ZNF804A: variants seen among roughly 807,000 people sequenced by gnomAD.
ZNF804A encodes the protein zinc finger protein 804A.
In ZNF804A, 2 loss-of-function variants were observed where a neutral mutation model predicts 16.5. The ratio of observed to expected loss-of-function variants is 0.12; its 90% CI spans 0.05 to 0.38. The LOEUF is 0.38. Ranked by LOEUF, ZNF804A falls within the 10% of genes least tolerant of loss-of-function variation. The pLI is 0.99. For synonymous variants in ZNF804A, 534 were observed against 489.6 expected (o/e 1.09, Z -1.20); for missense variants, 1,473 against 1,390.7 (o/e 1.06, Z -0.94).
At chr2:184,896,954 T>C (rs2105825152) in intron 2 of ZNF804A, among the ~76,000 whole-genome samples, 1 of 152,264 alleles carries the variant, frequency 6.6e-6, no homozygotes, top group East Asian at 1.9e-4. Context: ...TTAATCTCAC[T>C]TAACTTCTAC....
chr2:184,860,898 G>A (rs1410203068), intron 1 of ZNF804A, among the ~76,000 whole-genome samples: 2 of 152,250 alleles, frequency 1.3e-5, no homozygotes, highest in African/African-American at 4.8e-5. Flanking sequence ...GGTCTCTGGG[G>A]TTGGCCTAGG....
At chr2:184,840,115 G>A (rs530895657) in intron 1 of ZNF804A, among the ~76,000 whole-genome samples, 15 of 152,270 alleles carry the variant, frequency 9.9e-5, no homozygotes, top group Admixed American at 4.6e-4. Context: ...CATGGCCATC[G>A]TGGTGGTTCA....
At chr2:184,646,046 G>C (rs1233737999) in intron 1 of ZNF804A, among the ~76,000 whole-genome samples, 3 of 152,176 alleles carry the variant, frequency 2.0e-5, no homozygotes, top group Non-Finnish European at 2.9e-5. Context: ...ACCTGGAAAA[G>C]CTGCAGATAT....
At chr2:184,636,446 TGTGTGTGAGA>T (rs1223705432) in intron 1 of ZNF804A, among the ~76,000 whole-genome samples, 1 of 137,830 alleles carries the variant, frequency 7.3e-6, no homozygotes, top group Non-Finnish European at 1.6e-5. Context: ...TGTGTGTGTG[TGTGTGTGAGA>T]GAGAGAGAGA....
At chr2:184,711,316 G>C (rs1693121894) in intron 1 of ZNF804A, among the ~76,000 whole-genome samples, 1 of 151,660 alleles carries the variant, frequency 6.6e-6, no homozygotes, top group African/African-American at 2.4e-5. Flanking sequence ...TTGGAGAACT[G>C]TTTTCTCACA....
intron 2 of ZNF804A, among the ~76,000 whole-genome samples, chr2:184,920,421 T>C (rs1574271222): frequency 6.6e-6 from 1 of 152,218 alleles, no homozygotes; most frequent in East Asian, 1.9e-4. Flanking sequence ...CTGAGATATC[T>C]GTTTGGGTTA....
At chr2:184,887,936 A>C (rs1427275028) in intron 2 of ZNF804A, among the ~76,000 whole-genome samples, 1 of 152,180 alleles carries the variant, frequency 6.6e-6, no homozygotes, top group East Asian at 1.9e-4. Flanking sequence ...ATATATGGAC[A>C]CAAAGAGGGA....
At chr2:184,623,157 T>A (rs1271829074) in intron 1 of ZNF804A, among the ~76,000 whole-genome samples, 2 of 152,024 alleles carry the variant, frequency 1.3e-5, no homozygotes, top group East Asian at 3.9e-4. Context: ...TCTGCAATAA[T>A]AGTAAGTACA....
At chr2:184,699,107 AATG>A (rs1692881410) in intron 1 of ZNF804A, among the ~76,000 whole-genome samples, 1 of 152,112 alleles carries the variant, frequency 6.6e-6, no homozygotes, top group Non-Finnish European at 1.5e-5. Flanking sequence ...AGGAATGGAT[AATG>A]ATTAGGAAAA....
intron 1 of ZNF804A, among the ~76,000 whole-genome samples, chr2:184,688,213 T>C (rs1692669479): frequency 1.3e-5 from 2 of 152,054 alleles, no homozygotes; most frequent in Admixed American, 1.3e-4. Flanking sequence ...TTCAATATAG[T>C]GATAGAACAA....
At chr2:184,652,707 ATGG>A (rs1215155321) in intron 1 of ZNF804A, among the ~76,000 whole-genome samples, 5 of 152,024 alleles carry the variant, frequency 3.3e-5, no homozygotes, top group Admixed American at 6.6e-5. Flanking sequence ...CTCTTTCTAT[ATGG>A]TTCGGCTGTG....
At chr2:184,917,370 A>T (rs1238049113) in intron 2 of ZNF804A, among the ~76,000 whole-genome samples, 1 of 152,196 alleles carries the variant, frequency 6.6e-6, no homozygotes, top group Non-Finnish European at 1.5e-5. Context: ...TGTAACTTAA[A>T]TACTATGATG....
At position 184,886,678 on chromosome 2, in the gene ZNF804A, A is replaced by G. The variant is rs563087928; in HGVS notation, c.255+20166A>G. On this transcript the variant is annotated intron_variant, in intron 2 of 3. Coordinates refer to ENST00000302277, the MANE Select transcript of ZNF804A (RefSeq NM_194250.2). ...TCTGTGCACCTGCAGGCTCAACACC[A>G]TGTGAAAGCTGCCAAGGCTTGCGCT... is the stretch of plus-strand genomic sequence containing the variant. Among the ~76,000 whole-genome samples the G allele has an allele frequency of 4.6e-5, 7 of 152,354 alleles. No homozygotes were observed. The South Asian group carries it at 1.0e-3, about 23-fold the overall frequency.
chr2:184,842,137 C>T (rs766959673), intron 1 of ZNF804A, among the ~76,000 whole-genome samples: 7 of 152,088 alleles, frequency 4.6e-5, no homozygotes. Context: ...TTCAAAATAT[C>T]CCTTTTCTTT....
chr2:184,637,813 G>A (rs1438825218), intron 1 of ZNF804A, among the ~76,000 whole-genome samples: 1 of 152,128 alleles, frequency 6.6e-6, no homozygotes, highest in African/African-American at 2.4e-5. Context: ...GCTTGAGGGT[G>A]CAATTAAATC....
intron 1 of ZNF804A, among the ~76,000 whole-genome samples, chr2:184,602,620 T>A (rs1238977530): frequency 3.3e-5 from 5 of 152,076 alleles, no homozygotes; most frequent in African/African-American, 9.6e-5. Flanking sequence ...GGAATTTAAA[T>A]ATCCCTTTAA....
chr2:184,651,183 G>A (rs983401321), intron 1 of ZNF804A, among the ~76,000 whole-genome samples: 4 of 152,014 alleles, frequency 2.6e-5, no homozygotes, highest in Admixed American at 2.6e-4. Context: ...ACAAAAACAA[G>A]CAATGGGGAA....
Position 184,903,475 on chromosome 2 carries a change from G to A in ZNF804A, c.256-30128G>A, listed in dbSNP as rs1292208586. Among the ~76,000 whole-genome samples the A allele has an allele frequency of 5.3e-5, 8 of 152,214 alleles. No homozygotes were observed. The East Asian group carries it at 9.7e-4, about 18-fold the overall frequency. On this transcript the variant is annotated intron_variant, in intron 2 of 3. Coordinates refer to ENST00000302277, the MANE Select transcript of ZNF804A (RefSeq NM_194250.2). The stretch of plus-strand genomic sequence containing the variant: ...GCAATAGGCTATACCATAGAGCCTA[G>A]GTGTGTAGTAGGTTATACCACCTAG...
intron 1 of ZNF804A, among the ~76,000 whole-genome samples, chr2:184,600,074 T>A (rs1691022221): frequency 6.6e-6 from 1 of 152,190 alleles, no homozygotes; most frequent in Non-Finnish European, 1.5e-5. Flanking sequence ...GCAAGCAGCC[T>A]CCCTTCCCCT....
Sources: gnomAD v4.1 joint callset for allele counts (sites outside exome capture counted in the v4.1 genomes callset) on GRCh38, gnomAD v4.1.1 for gene constraint, MANE v1.5 for transcripts, NCBI Gene and HGNC (gene_info 2026-07-23, HGNC 2026-07-21) for gene names.